SGSM1: variants seen among roughly 807,000 people sequenced by gnomAD.
SGSM1 encodes the protein small G protein signaling modulator 1, also known as RUN and TBC1 domain containing 2.
In SGSM1, 73 loss-of-function variants were observed where a neutral mutation model predicts 133.8. That is an observed-to-expected ratio of 0.55 (90% CI 0.45 to 0.66). The LOEUF (loss-of-function observed/expected upper bound fraction) is 0.66, where lower values mean the gene tolerates loss of function less well. SGSM1 is among the 30% of genes least tolerant of loss of function. SGSM1 has a pLI of 0.00. For missense variants in SGSM1, 1,213 were observed against 1,448.1 expected (o/e 0.84, Z 2.64); for synonymous variants, 563 against 573.0 (o/e 0.98, Z 0.25).
At chr22:24,822,507 G>A (rs992380936) in intron 2 of SGSM1, among the ~76,000 whole-genome samples, 2 of 152,154 alleles carry the variant, frequency 1.3e-5, no homozygotes, top group Non-Finnish European at 2.9e-5. Flanking sequence ...TTTCAGATTG[G>A]CTTCTTTCAC....
intron 13 of SGSM1, among the ~76,000 whole-genome samples, chr22:24,878,908 G>A (rs1386681083): frequency 6.6e-6 from 1 of 152,214 alleles, no homozygotes; most frequent in Non-Finnish European, 1.5e-5. Context: ...GAAGCTTAGA[G>A]GCACAGTGGC....
chr22:24,838,625 G>C (rs1302987088), intron 2 of SGSM1, among the ~76,000 whole-genome samples: 1 of 152,110 alleles, frequency 6.6e-6, no homozygotes, highest in African/African-American at 2.4e-5. Context: ...AGTTGGGTCA[G>C]TTTCACTTTC....
chr22:24,895,143 G>A (rs1932884018), intron 17 of SGSM1, 80 bp from the exon 18 acceptor site: 1 of 1,404,484 alleles, frequency 7.1e-7, no homozygotes, highest in Admixed American at 2.0e-5. Context: ...AGACTTTCTG[G>A]CTCCCAGCCC....
At chr22:24,817,233 A>G (rs1472819670) in intron 2 of SGSM1, among the ~76,000 whole-genome samples, 1 of 152,200 alleles carries the variant, frequency 6.6e-6, no homozygotes. Context: ...CTGGGGATGT[A>G]CTATGTGCCA....
At chr22:24,861,274 C>T (rs139705) in intron 9 of SGSM1, among the ~76,000 whole-genome samples, 8,616 of 149,820 alleles carry the variant, frequency 0.058, 318 homozygotes, top group African/African-American at 0.1. Flanking sequence ...ATTGCCTGAA[C>T]CTGGGAAGCA....
At chr22:24,825,922 A>G (rs1440051453) in intron 2 of SGSM1, among the ~76,000 whole-genome samples, 2 of 152,112 alleles carry the variant, frequency 1.3e-5, no homozygotes, top group Non-Finnish European at 2.9e-5. Flanking sequence ...GGTGGGGAGT[A>G]GAGGTGGGGC....
At chr22:24,868,049 T>C (rs1931552489) in intron 10 of SGSM1, among the ~76,000 whole-genome samples, 2 of 152,002 alleles carry the variant, frequency 1.3e-5, no homozygotes, top group Admixed American at 6.6e-5. Flanking sequence ...CATACAAAAA[T>C]AGGTCAGGTA....
chr22:24,868,075 C>T (rs1216902192), intron 10 of SGSM1, among the ~76,000 whole-genome samples: 1 of 152,074 alleles, frequency 6.6e-6, no homozygotes, highest in African/African-American at 2.4e-5. Flanking sequence ...GTAAAGGATT[C>T]CTGAGGAGCG....
At chr22:24,809,134 G>A (rs1011580772) in intron 2 of SGSM1, among the ~76,000 whole-genome samples, 4 of 152,082 alleles carry the variant, frequency 2.6e-5, no homozygotes, top group Admixed American at 6.5e-5. Flanking sequence ...GCAACAACTC[G>A]GTGCCCCCCA....
At chr22:24,866,256 G>C (rs1685356267) in intron 9 of SGSM1, among the ~76,000 whole-genome samples, 1 of 152,160 alleles carries the variant, frequency 6.6e-6, no homozygotes, top group African/African-American at 2.4e-5. Context: ...TCAAATACTT[G>C]ATTCTATTTA....
intron 2 of SGSM1, among the ~76,000 whole-genome samples, chr22:24,819,466 A>G (rs938426466): frequency 1.3e-5 from 2 of 152,190 alleles, no homozygotes; most frequent in African/African-American, 4.8e-5. Context: ...TAATGTCAAA[A>G]GAGAGCAAAC....
At chr22:24,886,555 G>A (rs1403064226) in intron 15 of SGSM1, 45 bp from the exon 16 acceptor site, 2 of 1,542,110 alleles carry the variant, frequency 1.3e-6, no homozygotes, top group Non-Finnish European at 1.8e-6. Flanking sequence ...ACCACCCCCT[G>A]GTTTTCTGTT....
intron 2 of SGSM1, among the ~76,000 whole-genome samples, chr22:24,831,865 C>T (rs900504220): frequency 1.3e-5 from 2 of 152,220 alleles, no homozygotes; most frequent in Non-Finnish European, 2.9e-5. Flanking sequence ...ATCAACACAT[C>T]AGTGTTGTTA....
At position 24,917,751 on chromosome 22, in the gene SGSM1, C is replaced by A. The variant is rs751612190; in HGVS notation, c.3022C>A (p.Arg1008=). The A allele has an allele frequency of 1.2e-6, 2 of 1,612,772 alleles. No individual in the cohort carries two copies. The highest frequency in any genetic ancestry group is 3.3e-5 in the Admixed American group (2 of 59,866). Residue 1008 remains arginine, a synonymous_variant, in exon 23 of 25, where the codon CGA becomes AGA. Transcript: ENST00000400358. ...CYRWFLLDFK[R]ELVYDDVFLV... is the part of the protein sequence containing the mutation. ...CCGCTGGTTCCTGCTGGATTTCAAG[C>A]GAGGTACAGACTTTAAATTGGGGAC...
intron 19 of SGSM1, 34 bp downstream of exon 19, chr22:24,898,593 C>T: frequency 6.5e-7 from 1 of 1,549,788 alleles, no homozygotes; most frequent in East Asian, 2.3e-5. Context: ...CCATTTCCTT[C>T]TTTCCAGCTG....
At position 24,913,247 on chromosome 22, in the gene SGSM1, C is replaced by T. The variant is rs189498060; in HGVS notation, c.2928+495C>T. Among the ~76,000 whole-genome samples the T allele has an allele frequency of 7.5e-3, 1,095 of 145,918 alleles. 17 individuals carry two copies. Among genetic ancestry groups the T allele is most frequent in the African/African-American group, 0.027 (1,039 of 38,920 alleles). On this transcript the variant is annotated intron_variant, in intron 22 of 24. Transcript: ENST00000400358. ...GGCAGAGCTTGCAGTGAGCCGAGAT[C>T]GAGCCACTGCACTCCAGCCTGGGCG...
chr22:24,868,630 G>A lies in SGSM1; in HGVS notation c.1158+91G>A. On this transcript the variant is annotated intron_variant, in intron 11 of 24. Transcript: ENST00000400358. ...CCTGTGTGCCCTTATGTGGCTATGT[G>A]GCCTCATGCGCTCTCCACTGATACC... The A allele has an allele frequency of 1.9e-6, 3 of 1,609,660 alleles. No individual in the cohort carries two copies. The South Asian group carries it at 3.3e-5, about 18-fold the overall frequency.
chr22:24,913,583 A>C (rs139767), intron 22 of SGSM1, among the ~76,000 whole-genome samples: 43,254 of 152,168 alleles, frequency 0.28, 7,051 homozygotes, highest in East Asian at 0.55. Flanking sequence ...TATTATCTAC[A>C]CACTAGCAGT....
chr22:24,835,256 C>CT (rs1929361165), intron 2 of SGSM1, among the ~76,000 whole-genome samples: 1 of 152,184 alleles, frequency 6.6e-6, no homozygotes, highest in Non-Finnish European at 1.5e-5. Flanking sequence ...TCAAATGCTA[C>CT]TGATTGTTGA....
Sources: allele counts gnomAD v4.1 joint callset (sites outside exome capture counted in the v4.1 genomes callset), GRCh38; gene constraint gnomAD v4.1.1; transcripts MANE v1.5; gene names NCBI Gene and HGNC (gene_info 2026-07-23, HGNC 2026-07-21).